DOCK8: variants seen among roughly 807,000 people sequenced by gnomAD.
The protein encoded by DOCK8 is dedicator of cytokinesis protein 8.
Under a neutral mutation model 245.6 loss-of-function variants are expected in DOCK8, and 141 were observed. The ratio of observed to expected loss-of-function variants is 0.57; its 90% CI spans 0.50 to 0.66. DOCK8 has a LOEUF of 0.66. DOCK8 is among the 30% of genes least tolerant of loss of function. The probability of loss-of-function intolerance (pLI) is 0.00; values close to 1 mark genes in which losing one functional copy is unlikely to be tolerated. For missense variants in DOCK8, 2,965 were observed against 2,603.4 expected (o/e 1.14, Z -3.02); for synonymous variants, 1,168 against 970.2 (o/e 1.20, Z -3.79).
At chr9:212,147 G>C (rs149351663), upstream of DOCK8, among the ~76,000 whole-genome samples, 335 of 152,236 alleles carry the variant, frequency 2.2e-3, 2 homozygotes, top group East Asian at 0.014. Flanking sequence ...TTATTTAATG[G>C]TTGCTATGAA....
At chr9:359,637 G>A (rs1048984093) in intron 14 of DOCK8, among the ~76,000 whole-genome samples, 1 of 152,152 alleles carries the variant, frequency 6.6e-6, no homozygotes. Context: ...ACTGACATTA[G>A]TAGGCATTTG....
At chr9:381,925 A>G (rs1342886503) in intron 21 of DOCK8, among the ~76,000 whole-genome samples, 1 of 151,658 alleles carries the variant, frequency 6.6e-6, no homozygotes, top group Non-Finnish European at 1.5e-5. Context: ...ATGCCACTGC[A>G]CTCCAGCCTG....
At chr9:394,221 A>G (rs570524198) in intron 24 of DOCK8, among the ~76,000 whole-genome samples, 1 of 149,274 alleles carries the variant, frequency 6.7e-6, no homozygotes, top group Non-Finnish European at 1.5e-5. Flanking sequence ...GTCCCTCGAG[A>G]CCCCCTTCCC....
chr9:394,813 G>C (rs1422166722), intron 24 of DOCK8, among the ~76,000 whole-genome samples: 2 of 152,230 alleles, frequency 1.3e-5, no homozygotes, highest in Non-Finnish European at 2.9e-5. Flanking sequence ...CTCCACTAGT[G>C]TTTCTACTGG....
chr9:327,290 T>G (rs2050807121), intron 8 of DOCK8, among the ~76,000 whole-genome samples: 1 of 152,176 alleles, frequency 6.6e-6, no homozygotes, highest in African/African-American at 2.4e-5. Context: ...CAACTGCAAA[T>G]GGCCTGTCAC....
intron 40 of DOCK8, among the ~76,000 whole-genome samples, chr9:440,745 G>GT (rs1289346247): frequency 6.6e-6 from 1 of 151,996 alleles, no homozygotes; most frequent in African/African-American, 2.4e-5. Context: ...TTTTGTTTTT[G>GT]TTTTTGTTTT....
chr9:400,228 T>TCCACCATCA (rs2054789524), intron 26 of DOCK8, among the ~76,000 whole-genome samples: 2 of 66,308 alleles, frequency 3.0e-5, no homozygotes, highest in African/African-American at 5.1e-5. Flanking sequence ...CACCACCACC[T>TCCACCATCA]CCACCATCAC....
chr9:427,348 A>G (rs554782670), intron 34 of DOCK8, among the ~76,000 whole-genome samples: 33 of 152,204 alleles, frequency 2.2e-4, no homozygotes, highest in Non-Finnish European at 4.4e-4. Context: ...ACTCCAGTTG[A>G]ATGATGGTCA....
At chr9:429,295 T>C (rs960448919) in intron 35 of DOCK8, among the ~76,000 whole-genome samples, 4 of 152,190 alleles carry the variant, frequency 2.6e-5, no homozygotes, top group Non-Finnish European at 5.9e-5. Context: ...AGATCTCAAT[T>C]GGTGCCTTCT....
chr9:399,997 T>C (rs12348689), intron 26 of DOCK8, among the ~76,000 whole-genome samples: 1 of 57,898 alleles, frequency 1.7e-5, no homozygotes, highest in African/African-American at 8.2e-5. Flanking sequence ...TCCCACCACC[T>C]CCACCACCTC....
intron 5 of DOCK8, 71 bp downstream of exon 5, chr9:304,775 C>T: frequency 2.5e-6 from 4 of 1,605,492 alleles, no homozygotes; most frequent in Non-Finnish European, 3.4e-6. Flanking sequence ...GTCAGTTTTA[C>T]AAACTAGAAT....
At chr9:417,018 G>T (rs1007443986) in intron 29 of DOCK8, among the ~76,000 whole-genome samples, 1 of 152,150 alleles carries the variant, frequency 6.6e-6, no homozygotes, top group Non-Finnish European at 1.5e-5. Context: ...GTTTTGGCTC[G>T]GTGTGGTGGC....
At chr9:410,263 G>T (rs540917631) in intron 28 of DOCK8, among the ~76,000 whole-genome samples, 39 of 152,096 alleles carry the variant, frequency 2.6e-4, no homozygotes, top group African/African-American at 9.2e-4. Context: ...TCAGTTACAG[G>T]CCCCCCTCAA....
At chr9:218,207 A>G (rs1175810271) in intron 1 of DOCK8, among the ~76,000 whole-genome samples, 1 of 152,180 alleles carries the variant, frequency 6.6e-6, no homozygotes, top group Non-Finnish European at 1.5e-5. Flanking sequence ...GCATGTGCTC[A>G]TGTTTTTCAC....
At chr9:301,756 T>TCAAAAGG (rs1317361791) in intron 4 of DOCK8, among the ~76,000 whole-genome samples, 1 of 152,082 alleles carries the variant, frequency 6.6e-6, no homozygotes, top group Non-Finnish European at 1.5e-5. Flanking sequence ...ATTTTATCCT[T>TCAAAAGG]TTGAATAAAA....
intron 44 of DOCK8, among the ~76,000 whole-genome samples, chr9:447,742 TGTG>T (rs1386406037): frequency 6.6e-6 from 1 of 152,208 alleles, no homozygotes; most frequent in Non-Finnish European, 1.5e-5. Flanking sequence ...ACAGATGAAT[TGTG>T]GTGAATATAT....
chr9:276,909 A>C (rs1397132972), intron 2 of DOCK8: 1 of 261,008 alleles, frequency 3.8e-6, no homozygotes, highest in East Asian at 1.3e-4. Flanking sequence ...CCCAGGCTCA[A>C]GCGATTCTCC....
At chr9:420,656 CTTTG>C (rs1342454515) in intron 31 of DOCK8, 73 bp downstream of exon 31, 14 of 1,586,602 alleles carry the variant, frequency 8.8e-6, no homozygotes, top group Non-Finnish European at 1.2e-5. Context: ...TACTCATCCC[CTTTG>C]TTTGGGCCAT....
chr9:282,275 C>G (rs1454283974), intron 2 of DOCK8, among the ~76,000 whole-genome samples: 1 of 152,120 alleles, frequency 6.6e-6, no homozygotes, highest in Non-Finnish European at 1.5e-5. Context: ...AACATCATTG[C>G]TGAGTGAGGA....
Sources: gnomAD v4.1 joint callset for allele counts (sites outside exome capture counted in the v4.1 genomes callset) on GRCh38, gnomAD v4.1.1 for gene constraint, MANE v1.5 for transcripts, NCBI Gene and HGNC (gene_info 2026-07-23, HGNC 2026-07-21) for gene names.